Variants in PRIM2 observed in about 807,000 individuals in gnomAD.
PRIM2 encodes the protein DNA primase large subunit.
In PRIM2, 39 loss-of-function variants were observed where a neutral mutation model predicts 67.3. That is an observed-to-expected ratio of 0.58 (90% confidence interval 0.45 to 0.76). The LOEUF (loss-of-function observed/expected upper bound fraction) is 0.76. Ranked by LOEUF, PRIM2 falls within the 30% of genes least tolerant of loss-of-function variation. PRIM2 has a pLI of 0.00. For synonymous variants in PRIM2, 143 were observed against 198.7 expected (o/e 0.72, Z 2.36); for missense variants, 398 against 598.7 (o/e 0.66, Z 3.50).
chr6:57,352,240 ACTTTT>A (rs1230055097), intron 5 of PRIM2, among the ~76,000 whole-genome samples: 4 of 152,114 alleles, frequency 2.6e-5, no homozygotes, highest in South Asian at 2.1e-4. Flanking sequence ...AAAAGTGTTC[ACTTTT>A]CTTTTCTTTT....
intron 7 of PRIM2, chr6:57,493,994 A>T (rs1289290819): frequency 6.6e-6 from 1 of 152,246 alleles, no homozygotes; most frequent in Non-Finnish European, 1.5e-5. Flanking sequence ...GAAAGTAGTC[A>T]GTCAACTGTA....
chr6:57,287,179 C>T, the PRIM2 span, among the ~76,000 whole-genome samples: 16 of 152,104 alleles, frequency 1.1e-4, no homozygotes, highest in Non-Finnish European at 2.1e-4. Context: ...ATTAGTTCAG[C>T]CATTGTGGAA....
the PRIM2 span, among the ~76,000 whole-genome samples, chr6:57,235,730 C>T: frequency 6.6e-6 from 1 of 152,090 alleles, no homozygotes; most frequent in African/African-American, 2.4e-5. Context: ...CAAGTGGGCC[C>T]AGTGCAAGCA....
At chr6:57,464,919 A>C (rs1773136846) in intron 7 of PRIM2, among the ~76,000 whole-genome samples, 1 of 152,184 alleles carries the variant, frequency 6.6e-6, no homozygotes, top group Non-Finnish European at 1.5e-5. Flanking sequence ...TCAGATAAGA[A>C]AGTTGAGACT....
rs144506141 is a variant in PRIM2, at chr6:57,336,795, C to A, written c.459+10750C>A. ...GACCATTGAAATTAGGAAGAAACTG[C>A]ATCAACTAACGAGCAAAATAACCAG... On this transcript the variant is annotated intron_variant, in intron 5 of 13. Transcript: ENST00000615550. Among the ~76,000 whole-genome samples, 666 of 152,254 alleles carry A rather than the reference C, an allele frequency of 4.4e-3. 5 individuals are homozygous for A. Among genetic ancestry groups the A allele is most frequent in the African/African-American group, 0.015 (641 of 41,528 alleles).
At chr6:57,458,055 A>T (rs1447747069) in intron 7 of PRIM2, among the ~76,000 whole-genome samples, 2 of 152,238 alleles carry the variant, frequency 1.3e-5, no homozygotes, top group East Asian at 3.9e-4. Flanking sequence ...TTCTTAGTTC[A>T]CATTCCTGAG....
chr6:57,353,425 C>T (rs1768921545), intron 5 of PRIM2, among the ~76,000 whole-genome samples: 1 of 152,156 alleles, frequency 6.6e-6, no homozygotes, highest in Non-Finnish European at 1.5e-5. Context: ...AAAATTCTGT[C>T]TCTCCTGATT....
At position 57,331,224 on chromosome 6, in the gene PRIM2, A is replaced by C. The variant is rs530027819; in HGVS notation, c.459+5179A>C. Among the ~76,000 whole-genome samples the C allele has an allele frequency of 5.9e-5, 9 of 151,272 alleles. No individual in the cohort carries two copies. In the East Asian group the frequency reaches 1.7e-3, roughly 29 times the overall value. ...AAAAAAAGTTCTGTTACATTAATTG[A>C]TTTTTGGATGTTACACCAACCTTGC... On this transcript the variant is annotated intron_variant, in intron 5 of 13. Coordinates refer to ENST00000615550, the MANE Select transcript of PRIM2 (RefSeq NM_000947.5).
intron 10 of PRIM2, among the ~76,000 whole-genome samples, chr6:57,591,107 T>G (rs1457484095): frequency 0.16 from 24,909 of 152,144 alleles, 2,554 homozygotes; most frequent in East Asian, 0.36. Context: ...AAACTGTGTT[T>G]GAAGTTAAGA....
chr6:57,604,469 C>G (rs1280472331), intron 11 of PRIM2, among the ~76,000 whole-genome samples: 17 of 152,062 alleles, frequency 1.1e-4, no homozygotes, highest in Admixed American at 1.3e-4. Context: ...TTTCTTTTGC[C>G]TGATTGCTCT....
chr6:57,402,093 A>G (rs72871675), intron 7 of PRIM2, among the ~76,000 whole-genome samples: 2 of 152,118 alleles, frequency 1.3e-5, no homozygotes, highest in Non-Finnish European at 2.9e-5. Context: ...ATATGGGAAC[A>G]TGCACCTACA....
chr6:57,276,987 GGAGGAA>G, the PRIM2 span, among the ~76,000 whole-genome samples: 1 of 151,908 alleles, frequency 6.6e-6, no homozygotes, highest in South Asian at 2.1e-4. Context: ...AAAAAGGAGA[GGAGGAA>G]GAGGAAGAGG....
intron 8 of PRIM2, among the ~76,000 whole-genome samples, chr6:57,527,844 T>C (rs1424084603): frequency 2.6e-5 from 4 of 152,364 alleles, no homozygotes; most frequent in African/African-American, 7.2e-5. Context: ...ATGTCATTCC[T>C]AATTCTGATA....
the PRIM2 span, among the ~76,000 whole-genome samples, chr6:57,233,807 A>G: frequency 6.6e-6 from 1 of 151,944 alleles, no homozygotes; most frequent in Admixed American, 6.6e-5. Flanking sequence ...GGTGCACAGT[A>G]CTACAGCACA....
chr6:57,255,930 C>T, the PRIM2 span, among the ~76,000 whole-genome samples: 1 of 152,100 alleles, frequency 6.6e-6, no homozygotes, highest in African/African-American at 2.4e-5. Context: ...GATTCTTTAT[C>T]TATTACACAG....
the PRIM2 span, among the ~76,000 whole-genome samples, chr6:57,301,370 C>T: frequency 5.3e-5 from 8 of 152,102 alleles, no homozygotes; most frequent in South Asian, 2.1e-4. Flanking sequence ...GCCTGTAATC[C>T]CAGCTACTCG....
At chr6:57,467,474 C>T (rs1264589874) in intron 7 of PRIM2, among the ~76,000 whole-genome samples, 2 of 151,992 alleles carry the variant, frequency 1.3e-5, no homozygotes, top group African/African-American at 4.8e-5. Flanking sequence ...TGTTTTGTTC[C>T]ATTGATCTAT....
chr6:57,577,427 A>AT (rs1161633688), intron 10 of PRIM2, among the ~76,000 whole-genome samples: 45,514 of 121,758 alleles, frequency 0.37, 8,729 homozygotes, highest in East Asian at 0.6. Flanking sequence ...TGGTATATAA[A>AT]TTTTTTTTTT....
At chr6:57,341,683 C>G (rs1768496742) in intron 5 of PRIM2, among the ~76,000 whole-genome samples, 1 of 152,198 alleles carries the variant, frequency 6.6e-6, no homozygotes, top group Admixed American at 6.5e-5. Flanking sequence ...ACTGCTATAG[C>G]TAGTCAGGTA....
Sources: gnomAD v4.1 joint callset for allele counts (sites outside exome capture counted in the v4.1 genomes callset) on GRCh38, gnomAD v4.1.1 for gene constraint, MANE v1.5 for transcripts, NCBI Gene and HGNC (gene_info 2026-07-23, HGNC 2026-07-21) for gene names.